LHFPL4: variants seen among roughly 807,000 people sequenced by gnomAD.
LHFPL4 encodes the protein LHFPL tetraspan subfamily member 4 protein.
Under a neutral mutation model 20.0 loss-of-function variants are expected in LHFPL4, and 6 were observed. The observed-to-expected ratio is 0.30, with a 90% CI of 0.16 to 0.59. LHFPL4 has a LOEUF of 0.59. LHFPL4 is among the 20% of genes least tolerant of loss of function. The probability of loss-of-function intolerance (pLI) is 0.88; values close to 1 mark genes in which losing one functional copy is unlikely to be tolerated. For synonymous variants in LHFPL4, 129 were observed against 143.8 expected (o/e 0.90, Z 0.74); for missense variants, 215 against 331.2 (o/e 0.65, Z 2.72).
At chr3:9,523,189 C>T (rs1331141511) in intron 2 of LHFPL4, among the ~76,000 whole-genome samples, 3 of 150,926 alleles carry the variant, frequency 2.0e-5, no homozygotes, top group African/African-American at 2.4e-5. Context: ...GAGGCTGAGG[C>T]GGGTAGATCA....
At chr3:9,507,502 G>A (rs984203994) in intron 2 of LHFPL4, among the ~76,000 whole-genome samples, 38 of 152,186 alleles carry the variant, frequency 2.5e-4, no homozygotes, top group Non-Finnish European at 1.0e-4. Context: ...AGTAAGTTCT[G>A]GGTAAATCTT....
intron 3 of LHFPL4, among the ~76,000 whole-genome samples, chr3:9,504,694 G>GA (rs1172784340): frequency 6.6e-6 from 1 of 151,776 alleles, no homozygotes; most frequent in Non-Finnish European, 1.5e-5. Flanking sequence ...GCGTGGTGGC[G>GA]GGTGCCTGTA....
At chr3:9,532,950 T>C (rs979834898) in intron 2 of LHFPL4, among the ~76,000 whole-genome samples, 3 of 152,308 alleles carry the variant, frequency 2.0e-5, no homozygotes, top group African/African-American at 7.2e-5. Context: ...CAGAAGATTC[T>C]GCTGCTGCAG....
chr3:9,540,136 A>G (rs1207530966), intron 2 of LHFPL4, among the ~76,000 whole-genome samples: 1 of 152,206 alleles, frequency 6.6e-6, no homozygotes. Flanking sequence ...TAGATTATTT[A>G]CATATAACAT....
chr3:9,525,521 T>C (rs1240900083), intron 2 of LHFPL4, among the ~76,000 whole-genome samples: 1 of 152,218 alleles, frequency 6.6e-6, no homozygotes, highest in East Asian at 1.9e-4. Flanking sequence ...TTCAGTTTGT[T>C]TGGCTTTTTA....
At chr3:9,502,472 C>T (rs59067372) in intron 3 of LHFPL4, among the ~76,000 whole-genome samples, 161 bp from the exon 4 acceptor site, 3,355 of 152,150 alleles carry the variant, frequency 0.022, 128 homozygotes, top group African/African-American at 0.076. Flanking sequence ...GAGGCTGAGG[C>T]GGGTGGATCA....
At chr3:9,513,007 G>T (rs923781614) in intron 2 of LHFPL4, among the ~76,000 whole-genome samples, 1 of 152,192 alleles carries the variant, frequency 6.6e-6, no homozygotes, top group Admixed American at 6.5e-5. Context: ...CGCCCAGGCT[G>T]GAGTGCAGTG....
intron 2 of LHFPL4, among the ~76,000 whole-genome samples, chr3:9,543,729 GTT>G (rs58872967): frequency 8.4e-6 from 1 of 119,652 alleles, no homozygotes; most frequent in Admixed American, 9.6e-5. Flanking sequence ...TTTGGTTTTG[GTT>G]TTTTTTTTTT....
chr3:9,523,111 C>A (rs79200758), intron 2 of LHFPL4, among the ~76,000 whole-genome samples: 54,185 of 128,986 alleles, frequency 0.42, 13,168 homozygotes, highest in Non-Finnish European at 0.48. Context: ...AGAGAGAAAG[C>A]AAGCAAGCAA....
intron 1 of LHFPL4, 148 bp from the exon 2 acceptor site, chr3:9,552,995 A>C (rs1243949707): frequency 6.4e-5 from 2 of 31,420 alleles, no homozygotes; most frequent in South Asian, 1.2e-3. Context: ...GTGCGGGGGG[A>C]GGTGCTTGAA....
intron 2 of LHFPL4, among the ~76,000 whole-genome samples, chr3:9,531,491 G>C (rs1359353995): frequency 1.3e-5 from 2 of 152,134 alleles, no homozygotes; most frequent in African/African-American, 2.4e-5. Flanking sequence ...AAGGAGGCAG[G>C]GAAGGAGAGC....
chr3:9,538,007 CTA>C lies in LHFPL4; in HGVS notation c.406+14265_406+14266del, dbSNP rs372705307. Among the ~76,000 whole-genome samples the C allele has an allele frequency of 3.5e-4, 54 of 152,254 alleles. No homozygotes were observed. In the East Asian group the frequency reaches 7.5e-3, roughly 21 times the overall value. On this transcript the variant is annotated intron_variant, in intron 2 of 3. Transcript: ENST00000287585. ...CTCCACCCTAGGTCTGATCTTCATC[CTA>C]TGTCCTTTGTGAATGTCACTCCACA...
intron 2 of LHFPL4, among the ~76,000 whole-genome samples, chr3:9,538,389 C>G (rs1401749146): frequency 6.6e-6 from 1 of 152,198 alleles, no homozygotes; most frequent in African/African-American, 2.4e-5. Context: ...GGCTCCTCTC[C>G]CAACTGTTCC....
At chr3:9,542,986 A>G (rs2046487001) in intron 2 of LHFPL4, among the ~76,000 whole-genome samples, 1 of 152,116 alleles carries the variant, frequency 6.6e-6, no homozygotes, top group African/African-American at 2.4e-5. Flanking sequence ...GAGATAATGA[A>G]AAATATCCTA....
chr3:9,507,014 G>A (rs1267098082), intron 2 of LHFPL4, among the ~76,000 whole-genome samples: 1 of 152,226 alleles, frequency 6.6e-6, no homozygotes, highest in African/African-American at 2.4e-5. Context: ...AGACTATGGA[G>A]TGCCAATGAT....
intron 2 of LHFPL4, among the ~76,000 whole-genome samples, chr3:9,537,942 G>A (rs909950045): frequency 1.3e-5 from 2 of 151,988 alleles, no homozygotes; most frequent in Non-Finnish European, 2.9e-5. Flanking sequence ...CATCCCATAA[G>A]AACCTCAAAA....
At position 9,517,806 on chromosome 3, in the gene LHFPL4, TTG is replaced by T. The variant is rs750499996; in HGVS notation, c.407-11605_407-11604del. ...ATAGGAGGTTGGGTTTTTTTGTTTT[TTG>T]TTTTTTTTTTTTTGCTTGATTCTCT... is the stretch of plus-strand genomic sequence containing the variant. On this transcript the variant is annotated intron_variant, in intron 2 of 3. Transcript: ENST00000287585. 1.9e-3 allele frequency among the ~76,000 whole-genome samples: 277 copies of T among 143,296 alleles called. 7 individuals are homozygous for T. The highest frequency in any genetic ancestry group is 4.7e-3 in the African/African-American group (182 of 38,640). 94.0% of individuals were successfully genotyped at this position (143,296 alleles called of 152,430 possible).
At chr3:9,534,871 GA>G (rs2046435844) in intron 2 of LHFPL4, among the ~76,000 whole-genome samples, 1 of 152,176 alleles carries the variant, frequency 6.6e-6, no homozygotes, top group Non-Finnish European at 1.5e-5. Flanking sequence ...ATTTATCGAA[GA>G]AAATGTTCAC....
At chr3:9,530,170 G>A (rs1017671590) in intron 2 of LHFPL4, among the ~76,000 whole-genome samples, 8 of 152,066 alleles carry the variant, frequency 5.3e-5, no homozygotes, top group Admixed American at 2.6e-4. Context: ...CCTGTCCTTC[G>A]AAGCTTTAAA....
Sources: gnomAD v4.1 joint callset for allele counts (sites outside exome capture counted in the v4.1 genomes callset) on GRCh38, gnomAD v4.1.1 for gene constraint, MANE v1.5 for transcripts, NCBI Gene and HGNC (gene_info 2026-07-23, HGNC 2026-07-21) for gene names.